The following SAMD12 variants were observed in gnomAD, a reference collection of about 807,000 sequenced individuals.
SAMD12 encodes sterile alpha motif domain-containing protein 12.
Under a neutral mutation model 15.0 loss-of-function variants are expected in SAMD12, and 9 were observed. The ratio of observed to expected loss-of-function variants is 0.60; its 90% CI spans 0.36 to 1.05. The LOEUF (loss-of-function observed/expected upper bound fraction) is 1.05. SAMD12 is among the 50% of genes least tolerant of loss of function. The probability of loss-of-function intolerance (pLI) is 0.01; values close to 1 mark genes in which losing one functional copy is unlikely to be tolerated. For missense variants in SAMD12, 230 were observed against 234.2 expected, an observed-to-expected ratio of 0.98 and a Z score of 0.12; for synonymous variants, 86 against 90.1, an observed-to-expected ratio of 0.96 and a Z score of 0.25.
At chr8:118,618,720 G>A (rs1479957489) in intron 1 of SAMD12, among the ~76,000 whole-genome samples, 1 of 151,760 alleles carries the variant, frequency 6.6e-6, no homozygotes, top group Non-Finnish European at 1.5e-5. Flanking sequence ...GGCACCTGTA[G>A]CCCAGCTACT....
the SAMD12 span, among the ~76,000 whole-genome samples, chr8:118,171,108 T>C: frequency 0.049 from 7,391 of 152,280 alleles, 596 homozygotes; most frequent in African/African-American, 0.17. Flanking sequence ...AAATGTAAAC[T>C]AAAATCACGT....
chr8:118,165,754 C>T, the SAMD12 span, among the ~76,000 whole-genome samples: 1 of 151,256 alleles, frequency 6.6e-6, no homozygotes, highest in Non-Finnish European at 1.5e-5. Context: ...TATTATAATC[C>T]TTTAGACCAG....
rs117921444 is a variant in SAMD12 at position 118,555,142 on chromosome 8, G to T, written c.192+25573C>A. 5.1e-4 allele frequency among the ~76,000 whole-genome samples: 77 copies of T among 152,314 alleles called. 1 individual carries two copies. The East Asian group carries it at 0.014, about 27-fold the overall frequency. ...TCTGTTATTGGTTAGCAGAGCAAAT[G>T]TGAGAATAAAACAAAGTAAGCCACA... On this transcript the variant is annotated intron_variant, in intron 2 of 3. Transcript: ENST00000314727.
downstream of SAMD12, among the ~76,000 whole-genome samples, chr8:118,375,300 T>C (rs1172069611): frequency 6.6e-6 from 1 of 152,202 alleles, no homozygotes; most frequent in Non-Finnish European, 1.5e-5. Context: ...TGCTTTTTAC[T>C]AGTTGTCTGA....
intron 2 of SAMD12, among the ~76,000 whole-genome samples, chr8:118,534,000 T>G (rs1329207964): frequency 1.3e-5 from 2 of 152,226 alleles, no homozygotes; most frequent in Non-Finnish European, 2.9e-5. Flanking sequence ...GTTAGCTTGT[T>G]ATTTTGCTTG....
chr8:118,164,733 T>A, the SAMD12 span, among the ~76,000 whole-genome samples: 4 of 152,088 alleles, frequency 2.6e-5, no homozygotes, highest in South Asian at 4.2e-4. Context: ...TTTAGTTTTT[T>A]AATCTATAAT....
At chr8:118,373,739 A>G (rs1423206001), downstream of SAMD12, among the ~76,000 whole-genome samples, 1 of 152,122 alleles carries the variant, frequency 6.6e-6, no homozygotes, top group Admixed American at 6.6e-5. Flanking sequence ...TCTACTACTC[A>G]CATCTGCCTT....
chr8:118,306,564 G>T (rs989146699), intron 4 of SAMD12, among the ~76,000 whole-genome samples: 2 of 152,156 alleles, frequency 1.3e-5, no homozygotes, highest in Non-Finnish European at 2.9e-5. Context: ...ATTCTAAGGA[G>T]GGCAGGACCA....
At chr8:118,239,222 C>T (rs1167023373) in intron 4 of SAMD12, among the ~76,000 whole-genome samples, 1 of 152,076 alleles carries the variant, frequency 6.6e-6, no homozygotes, top group Non-Finnish European at 1.5e-5. Flanking sequence ...CAAAGCTCTA[C>T]ATTTAGATAT....
At position 118,475,075 on chromosome 8, in the gene SAMD12, C is replaced by A. The variant is rs190309807; in HGVS notation, c.193-35114G>T. 2.6e-5 allele frequency among the ~76,000 whole-genome samples: 4 copies of A among 152,034 alleles called. No homozygotes were observed. In the East Asian group the frequency reaches 7.8e-4, roughly 30 times the overall value. On this transcript the variant is annotated intron_variant, in intron 2 of 3. Coordinates refer to ENST00000314727, the MANE Select transcript of SAMD12 (RefSeq NM_207506.3). ...CCAACATGGTGAAACCCCATTCTAC[C>A]AAAAATACAAAAAATTAGCCGGGCA...
At chr8:118,184,737 T>A (rs2129706528), downstream of SAMD12, among the ~76,000 whole-genome samples, 1 of 152,276 alleles carries the variant, frequency 6.6e-6, no homozygotes, top group African/African-American at 2.4e-5. Flanking sequence ...CCTCAGGTGA[T>A]CCACCTGCCT....
chr8:118,424,813 G>T (rs968376423), intron 3 of SAMD12, among the ~76,000 whole-genome samples: 8 of 152,120 alleles, frequency 5.3e-5, no homozygotes, highest in African/African-American at 1.9e-4. Context: ...CCATCTAAAG[G>T]AAAAGAGTCA....
At chr8:118,593,839 TC>T (rs1827647994) in intron 1 of SAMD12, among the ~76,000 whole-genome samples, 1 of 152,224 alleles carries the variant, frequency 6.6e-6, no homozygotes, top group Admixed American at 6.5e-5. Context: ...CATCTACACT[TC>T]CAGAATTACA....
chr8:118,576,622 C>A (rs976808505), intron 2 of SAMD12, among the ~76,000 whole-genome samples: 1 of 152,184 alleles, frequency 6.6e-6, no homozygotes, highest in Admixed American at 6.5e-5. Flanking sequence ...GTTCTGACTG[C>A]TCTGTGAGTA....
intron 2 of SAMD12, among the ~76,000 whole-genome samples, chr8:118,463,747 G>C (rs142926544): frequency 6.6e-6 from 1 of 152,016 alleles, no homozygotes; most frequent in African/African-American, 2.4e-5. Context: ...CATCCCACAC[G>C]CTTGGCCTGG....
intron 1 of SAMD12, among the ~76,000 whole-genome samples, chr8:118,591,278 A>C (rs1827579953): frequency 6.6e-6 from 1 of 152,142 alleles, no homozygotes; most frequent in South Asian, 2.1e-4. Context: ...TTCATTCCTA[A>C]CTCTATTCTC....
chr8:118,382,682 T>C (rs1222606912), intron 3 of SAMD12, among the ~76,000 whole-genome samples: 1 of 152,228 alleles, frequency 6.6e-6, no homozygotes, highest in Non-Finnish European at 1.5e-5. Context: ...TATAATTATT[T>C]CTACTCTGTT....
intron 2 of SAMD12, among the ~76,000 whole-genome samples, chr8:118,443,666 C>G (rs1395036422): frequency 6.6e-6 from 1 of 152,082 alleles, no homozygotes; most frequent in African/African-American, 2.4e-5. Flanking sequence ...ATTAGTTTGC[C>G]ACACTTTAAG....
chr8:118,371,043 G>A (rs1295961289), intron 4 of SAMD12, among the ~76,000 whole-genome samples: 3 of 152,122 alleles, frequency 2.0e-5, no homozygotes, highest in Admixed American at 1.3e-4. Flanking sequence ...ATTTCATCAA[G>A]GCTATGTCTT....
Sources: gnomAD v4.1 joint callset for allele counts (sites outside exome capture counted in the v4.1 genomes callset) on GRCh38, gnomAD v4.1.1 for gene constraint, MANE v1.5 for transcripts, NCBI Gene and HGNC (gene_info 2026-07-23, HGNC 2026-07-21) for gene names.